The following ZNF540 variants were observed in gnomAD, a reference collection of about 807,000 sequenced individuals.
The protein encoded by ZNF540 is zinc finger protein 540, also known as CTD-3064H18.6.
A neutral mutation model predicts 11.8 loss-of-function variants in ZNF540; 3 were observed. That is an observed-to-expected ratio of 0.25 (90% CI 0.12 to 0.65). ZNF540 has a LOEUF of 0.65. ZNF540 is among the 30% of genes least tolerant of loss of function. The pLI is 0.83. For synonymous variants in ZNF540, 247 were observed against 259.0 expected (o/e 0.95, Z 0.45); for missense variants, 709 against 793.1 (o/e 0.89, Z 1.27).
chr19:37,612,782 G>A lies in ZNF540; in HGVS notation c.1502G>A (p.Gly501Glu), dbSNP rs1000112342. 1 of 1,614,008 alleles carries A rather than the reference G, an allele frequency of 6.2e-7. No individual in the cohort carries two copies. The highest frequency in any genetic ancestry group is 2.2e-5 in the East Asian group (1 of 44,874). ...AAGCCCTACAAATGTGTACGATGTG[G>A]GAAGACCTTTAGATTTGGTTTCTAC... Reference protein sequence around the residue: ...DVKPYKCVRCGKTFRFGFYLT... With the variant: ...DVKPYKCVRCEKTFRFGFYLT... The change falls in exon 5 of 5, where the codon GGG (glycine) becomes GAG (glutamate). Residue 501 changes from glycine (G) to glutamate (E), a missense_variant. Transcript: ENST00000316433.
rs111540824 is a variant in ZNF540, at chr19:37,553,289, C to T, written c.-73+1624C>T. 5.9e-3 allele frequency among the ~76,000 whole-genome samples: 896 copies of T among 151,400 alleles called. 10 individuals carry two copies. Among genetic ancestry groups the T allele is most frequent in the African/African-American group, 0.02 (846 of 41,292 alleles). On this transcript the variant is annotated intron_variant, in intron 1 of 4. Transcript: ENST00000592533. ...GCTGGGTTACAGGTGCCCACCACCACGCCTGCCTAATTTTTGTATTTTTAG... is the reference window on the plus strand; with the variant it reads ...GCTGGGTTACAGGTGCCCACCACCATGCCTGCCTAATTTTTGTATTTTTAG...
rs34837052 is a variant in ZNF540 at position 37,576,042 on chromosome 19, T to TACACACACAC, written c.-72-22320_-72-22311dup. On this transcript the variant is annotated intron_variant, in intron 1 of 4. Transcript: ENST00000592533. ...TAACTACAGGTAAGGCATACATGCA[T>TACACACACAC]ACACACACACACACACACACACAAG... Among the ~76,000 whole-genome samples the TACACACACAC allele has an allele frequency of 2.3e-3, 341 of 148,930 alleles. 3 individuals carry two copies. Among genetic ancestry groups the TACACACACAC allele is most frequent in the African/African-American group, 7.8e-3 (317 of 40,828 alleles).
At chr19:37,607,059 G>GAT (rs544374023) in intron 4 of ZNF540, among the ~76,000 whole-genome samples, 1 of 151,212 alleles carries the variant, frequency 6.6e-6, no homozygotes, top group Non-Finnish European at 1.5e-5. Flanking sequence ...TTCTTTATCA[G>GAT]ATATATATAT....
intron 1 of ZNF540, among the ~76,000 whole-genome samples, chr19:37,588,864 A>G (rs2043774302): frequency 6.6e-6 from 1 of 152,226 alleles, no homozygotes; most frequent in African/African-American, 2.4e-5. Flanking sequence ...TTTATAACAC[A>G]TACCCAAATT....
chr19:37,572,719 T>C (rs2043106937), intron 1 of ZNF540, among the ~76,000 whole-genome samples: 1 of 152,230 alleles, frequency 6.6e-6, no homozygotes, highest in African/African-American at 2.4e-5. Flanking sequence ...AAGTAATCTG[T>C]TGGCCTTAGG....
At chr19:37,584,781 T>C (rs988571451) in intron 1 of ZNF540, among the ~76,000 whole-genome samples, 2 of 151,938 alleles carry the variant, frequency 1.3e-5, no homozygotes, top group South Asian at 2.1e-4. Context: ...GCTAACACGG[T>C]GAAACCCCGT....
At chr19:37,601,206 C>T in intron 4 of ZNF540, 101 bp downstream of exon 4, 1 of 920,624 alleles carries the variant, frequency 1.1e-6, no homozygotes, top group Non-Finnish European at 1.6e-6. Flanking sequence ...TAGGGAGTTA[C>T]TCTCAGAGGC....
At chr19:37,552,074 T>G (rs1434332000) in intron 1 of ZNF540, among the ~76,000 whole-genome samples, 1 of 152,220 alleles carries the variant, frequency 6.6e-6, no homozygotes, top group Non-Finnish European at 1.5e-5. Flanking sequence ...TCCCTCAAAG[T>G]GCTGCTTTAG....
chr19:37,562,442 G>C (rs189572140), intron 1 of ZNF540: 2 of 152,076 alleles, frequency 1.3e-5, no homozygotes, highest in South Asian at 4.1e-4. Flanking sequence ...ACTGCATATA[G>C]AAAAGGTAAG....
intron 4 of ZNF540, among the ~76,000 whole-genome samples, chr19:37,602,788 G>C (rs2044049959): frequency 6.6e-6 from 1 of 152,134 alleles, no homozygotes; most frequent in Non-Finnish European, 1.5e-5. Flanking sequence ...ACTGCCTATA[G>C]GATATGGCAG....
intron 1 of ZNF540, among the ~76,000 whole-genome samples, chr19:37,578,549 C>CTGG (rs1390067195): frequency 1.3e-5 from 2 of 152,186 alleles, no homozygotes; most frequent in Non-Finnish European, 2.9e-5. Context: ...AGCTTGGTGC[C>CTGG]AGCTGCCATA....
chr19:37,565,324 G>A lies in ZNF540; in HGVS notation c.-73+13659G>A, dbSNP rs138259351. Reference sequence around the variant, plus strand: ...GTGAGCCACGAAAAAAGGTCTTCCCGCATTCTTTACATTCATAGGGTTTCT... The same window carrying A: ...GTGAGCCACGAAAAAAGGTCTTCCCACATTCTTTACATTCATAGGGTTTCT... On this transcript the variant is annotated intron_variant, in intron 1 of 4. Coordinates refer to the ZNF540 transcript ENST00000592533. The A allele has an allele frequency of 9.6e-5, 154 of 1,611,300 alleles. No homozygotes were observed. The East Asian group carries it at 2.4e-3, about 25-fold the overall frequency.
intron 1 of ZNF540, chr19:37,584,219 TA>T: frequency 7.3e-7 from 1 of 1,362,344 alleles, no homozygotes; most frequent in Non-Finnish European, 1.0e-6. Context: ...ATTGGTTGCC[TA>T]AACAGTAGTA....
At chr19:37,565,969 G>A in intron 1 of ZNF540, 4 of 1,613,656 alleles carry the variant, frequency 2.5e-6, no homozygotes, top group Non-Finnish European at 3.4e-6. Context: ...GTTGAATAAG[G>A]CATGACAGGT....
chr19:37,561,060 A>G (rs1326612249), intron 1 of ZNF540, among the ~76,000 whole-genome samples: 17 of 84,708 alleles, frequency 2.0e-4, no homozygotes, highest in Non-Finnish European at 3.1e-4. Context: ...AAAAAAAAAA[A>G]AAAAAAAAAA....
At chr19:37,572,001 A>G (rs2043072044) in intron 1 of ZNF540, among the ~76,000 whole-genome samples, 1 of 150,558 alleles carries the variant, frequency 6.6e-6, no homozygotes, top group Non-Finnish European at 1.5e-5. Flanking sequence ...TTATCCAAAT[A>G]GACTATATGG....
chr19:37,554,018 C>T (rs560936863), intron 1 of ZNF540, among the ~76,000 whole-genome samples: 11 of 152,214 alleles, frequency 7.2e-5, no homozygotes, highest in African/African-American at 2.4e-4. Context: ...ATTTTAGGGT[C>T]AGGGAGTACA....
intron 1 of ZNF540, chr19:37,564,184 CCCA>C (rs929847922): frequency 6.5e-6 from 1 of 153,512 alleles, no homozygotes; most frequent in Non-Finnish European, 1.4e-5. Flanking sequence ...ATAAAATATT[CCCA>C]CCATTTGAGT....
chr19:37,584,057 T>C (rs1404761872), intron 1 of ZNF540: 1 of 1,614,130 alleles, frequency 6.2e-7, no homozygotes, highest in African/African-American at 1.3e-5. Context: ...CCATTCCTCC[T>C]GAGAGAAGTC....
Sources: allele counts gnomAD v4.1 joint callset (sites outside exome capture counted in the v4.1 genomes callset), GRCh38; gene constraint gnomAD v4.1.1; transcripts MANE v1.5; gene names NCBI Gene and HGNC (gene_info 2026-07-23, HGNC 2026-07-21).